Variants in RPS6KC1 observed in about 807,000 individuals in gnomAD.
RPS6KC1 encodes inactive ribosomal protein S6 kinase delta-1.
In RPS6KC1, 54 loss-of-function variants were observed where a neutral mutation model predicts 103.8. The observed-to-expected ratio is 0.52, with a 90% CI of 0.42 to 0.65. The LOEUF is 0.65. Ranked by LOEUF, RPS6KC1 falls within the 30% of genes least tolerant of loss-of-function variation. The pLI, the probability that RPS6KC1 is intolerant of heterozygous loss-of-function variation, is 0.00. For synonymous variants in RPS6KC1, 439 were observed against 438.7 expected (o/e 1.00, Z -0.01); for missense variants, 1,151 against 1,253.8 (o/e 0.92, Z 1.24).
intron 8 of RPS6KC1, among the ~76,000 whole-genome samples, chr1:213,190,652 T>C (rs2092712308): frequency 6.6e-6 from 1 of 152,228 alleles, no homozygotes; most frequent in Non-Finnish European, 1.5e-5. Context: ...AGCTTTTTGC[T>C]TGATATGATC....
chr1:213,335,903 G>A, the RPS6KC1 span, among the ~76,000 whole-genome samples: 1 of 152,182 alleles, frequency 6.6e-6, no homozygotes, highest in African/African-American at 2.4e-5. Context: ...GGCCAAGGAG[G>A]TGATCCGGTT....
chr1:213,141,814 A>G (rs997063060), intron 6 of RPS6KC1, among the ~76,000 whole-genome samples: 2 of 151,042 alleles, frequency 1.3e-5, no homozygotes, highest in Admixed American at 6.6e-5. Flanking sequence ...AAATTCTAGT[A>G]TGTCGTATCT....
chr1:213,585,940 T>G, the RPS6KC1 span, among the ~76,000 whole-genome samples: 6 of 152,174 alleles, frequency 3.9e-5, no homozygotes, highest in Non-Finnish European at 8.8e-5. Flanking sequence ...TATGCTGGAT[T>G]GAGAGCAAGG....
At chr1:213,462,034 T>C in the RPS6KC1 span, among the ~76,000 whole-genome samples, 3 of 152,308 alleles carry the variant, frequency 2.0e-5, no homozygotes, top group Non-Finnish European at 4.4e-5. Context: ...GACAAAGGGC[T>C]AATATTCAGA....
the RPS6KC1 span, among the ~76,000 whole-genome samples, chr1:213,765,631 G>A: frequency 2.6e-5 from 4 of 152,092 alleles, no homozygotes; most frequent in Admixed American, 1.3e-4. Flanking sequence ...CAACTCAATA[G>A]GCAAATAAAC....
the RPS6KC1 span, among the ~76,000 whole-genome samples, chr1:213,426,764 G>T: frequency 6.6e-6 from 1 of 152,092 alleles, no homozygotes; most frequent in Non-Finnish European, 1.5e-5. Context: ...GTATTCTTTC[G>T]TAGTCAACAT....
Position 213,129,719 on chromosome 1 carries a change from G to A in RPS6KC1, c.665G>A (p.Ser222Asn). 1 of 1,614,108 alleles carries A rather than the reference G, an allele frequency of 6.2e-7. No individual in the cohort carries two copies. The highest frequency in any genetic ancestry group is 8.5e-7 in the Non-Finnish European group (1 of 1,179,992). The change falls in exon 6 of 15, where the codon AGT (serine) becomes AAT (asparagine). Residue 222 changes from serine to asparagine, a missense_variant. By Grantham distance (46) the Ser-to-Asn change is conservative. This residue lies in a region of RPS6KC1 where 959 missense variants were observed against 1,006.3 expected (regional missense o/e 0.95). Coordinates refer to ENST00000366960, the MANE Select transcript of RPS6KC1 (RefSeq NM_012424.6). ...EQSKTEEERESRSLFPGSLKP... is the reference protein window; with the variant it reads ...EQSKTEEERENRSLFPGSLKP... ...AGCAAAACAGAAGAAGAACGGGAAAGTCGTAGCCTCTTTCCTGGCAGTTTA... is the reference window on the plus strand; with the variant it reads ...AGCAAAACAGAAGAAGAACGGGAAAATCGTAGCCTCTTTCCTGGCAGTTTA...
the RPS6KC1 span, among the ~76,000 whole-genome samples, chr1:213,556,001 C>T: frequency 6.6e-6 from 1 of 152,224 alleles, no homozygotes; most frequent in Non-Finnish European, 1.5e-5. Context: ...ATCAGAGCCA[C>T]TGCCTAGTAT....
intron 8 of RPS6KC1, among the ~76,000 whole-genome samples, chr1:213,219,124 G>T (rs1352027583): frequency 6.6e-6 from 1 of 152,148 alleles, no homozygotes; most frequent in African/African-American, 2.4e-5. Flanking sequence ...CTGACAAAGG[G>T]CTAATATCCA....
At chr1:213,368,105 C>T in the RPS6KC1 span, among the ~76,000 whole-genome samples, 5 of 152,156 alleles carry the variant, frequency 3.3e-5, no homozygotes, top group Non-Finnish European at 7.4e-5. Context: ...TGGCATAGGC[C>T]GCTAGTGGCC....
chr1:213,442,161 GAAAGCC>G, the RPS6KC1 span, among the ~76,000 whole-genome samples: 2 of 152,158 alleles, frequency 1.3e-5, no homozygotes, highest in Non-Finnish European at 2.9e-5. Context: ...ATTTGGAAAA[GAAAGCC>G]AGGCAATTCT....
At position 213,122,300 on chromosome 1, in the gene RPS6KC1, T is replaced by G. The variant is rs78426247; in HGVS notation, c.472+4890T>G. On this transcript the variant is annotated intron_variant, in intron 5 of 14. Transcript: ENST00000366960. The stretch of plus-strand genomic sequence containing the variant: ...AAGATTGTGATTAAACTGTGTTAAA[T>G]TGAATGGCGTTGATTATATTTAAAG... Among the ~76,000 whole-genome samples the G allele has an allele frequency of 6.1e-3, 933 of 152,296 alleles. 19 individuals carry two copies. The East Asian group carries it at 0.064, about 10-fold the overall frequency.
At position 213,272,549 on chromosome 1, in the gene RPS6KC1, G is replaced by C; in HGVS notation, c.3116G>C (p.Arg1039Pro). 1.2e-6 allele frequency: 2 copies of C among 1,613,932 alleles called. No individual in the cohort carries two copies. The highest frequency in any genetic ancestry group is 1.7e-6 in the Non-Finnish European group (2 of 1,179,884). ...CTCTTGCAGTTCAATCCTCTGGAAC[G>C]ACTTGGTGCTGGAGTTGCTGGTGTT... ...QQLLQFNPLE[R>P]LGAGVAGVED... The change falls in exon 15 of 15, where the codon CGA (arginine) becomes CCA (proline). Residue 1039 changes from arginine (R) to proline (P), a missense_variant. By Grantham distance (103) the Arg-to-Pro change is moderately radical. This residue lies in a region of RPS6KC1 where 189 missense variants were observed against 228.8 expected (regional missense o/e 0.83). Transcript: ENST00000366960.
At chr1:213,672,208 C>T in the RPS6KC1 span, among the ~76,000 whole-genome samples, 1 of 152,168 alleles carries the variant, frequency 6.6e-6, no homozygotes, top group African/African-American at 2.4e-5. Context: ...GGAACATACT[C>T]AACACATCCT....
intron 3 of RPS6KC1, among the ~76,000 whole-genome samples, chr1:213,092,327 A>G (rs1459097025): frequency 1.3e-5 from 2 of 152,212 alleles, no homozygotes; most frequent in South Asian, 2.1e-4. Context: ...CTGTGATTGT[A>G]TGGATGTGCC....
At chr1:213,495,557 G>T in the RPS6KC1 span, among the ~76,000 whole-genome samples, 168 of 152,244 alleles carry the variant, frequency 1.1e-3, no homozygotes, top group Non-Finnish European at 2.1e-3. Flanking sequence ...CCTGACTCAG[G>T]TGATCTGCCT....
At chr1:213,500,461 G>C in the RPS6KC1 span, among the ~76,000 whole-genome samples, 1 of 152,120 alleles carries the variant, frequency 6.6e-6, no homozygotes, top group Non-Finnish European at 1.5e-5. Context: ...AGTAGAAGGA[G>C]TACACTTTAA....
the RPS6KC1 span, among the ~76,000 whole-genome samples, chr1:213,722,767 C>A: frequency 6.6e-6 from 1 of 152,140 alleles, no homozygotes; most frequent in South Asian, 2.1e-4. Flanking sequence ...TGGGACTCCG[C>A]AGAGGAGTCC....
chr1:213,413,648 C>A, the RPS6KC1 span, among the ~76,000 whole-genome samples: 1 of 152,234 alleles, frequency 6.6e-6, no homozygotes, highest in African/African-American at 2.4e-5. Flanking sequence ...AACATGGCAG[C>A]TGACTTCCCC....
Sources: allele counts gnomAD v4.1 joint callset (sites outside exome capture counted in the v4.1 genomes callset), GRCh38; gene constraint gnomAD v4.1.1; regional missense constraint gnomAD v4.1.1; transcripts MANE v1.5; gene names NCBI Gene and HGNC (gene_info 2026-07-23, HGNC 2026-07-21).